Variants in PCDHGA7 observed in about 807,000 individuals in gnomAD.
PCDHGA7 encodes the protein protocadherin gamma subfamily A, 7.
PCDHGA7 carries 44 observed loss-of-function variants against 58.3 expected under a neutral mutation model. The observed-to-expected ratio is 0.75, with a 90% CI of 0.59 to 0.97. The LOEUF is 0.97. Among genes scored for constraint, PCDHGA7 ranks in the 50% least tolerant of loss-of-function variants. The pLI, the probability that PCDHGA7 is intolerant of heterozygous loss-of-function variation, is 0.00. For synonymous variants in PCDHGA7, 516 were observed against 504.2 expected (o/e 1.02, Z -0.31); for missense variants, 1,266 against 1,188.7 (o/e 1.06, Z -0.96).
At chr5:141,393,370 A>G (rs2092740114) in intron 1 of PCDHGA7, 5 of 1,613,954 alleles carry the variant, frequency 3.1e-6, no homozygotes, top group Non-Finnish European at 2.5e-6. Context: ...CAGACTGGAG[A>G]CAATGGAGCC....
At chr5:141,390,466 G>C (rs753916175) in intron 1 of PCDHGA7, 7 of 711,916 alleles carry the variant, frequency 9.8e-6, no homozygotes, top group Admixed American at 3.0e-5. Context: ...AGGAGCAATT[G>C]TGTGGCCCAA....
At chr5:141,466,898 A>G (rs1029507733) in intron 1 of PCDHGA7, among the ~76,000 whole-genome samples, 1 of 152,170 alleles carries the variant, frequency 6.6e-6, no homozygotes, top group African/African-American at 2.4e-5. Context: ...TTTTCCATGA[A>G]GTTTTTGAAA....
At chr5:141,461,924 A>C (rs930104571) in intron 1 of PCDHGA7, among the ~76,000 whole-genome samples, 1 of 152,100 alleles carries the variant, frequency 6.6e-6, no homozygotes, top group East Asian at 1.9e-4. Context: ...CCTGGGTTCC[A>C]GCAATTCTCC....
At position 141,511,235 on chromosome 5, in the gene PCDHGA7, C is replaced by G; in HGVS notation, c.*62C>G. On this transcript the variant is annotated 3_prime_UTR_variant, in exon 4 of 4. Transcript: ENST00000518325. ...CCCCAACCAGCCCAGCTTCTCCTTA[C>G]CTGCACCCAGGCCTCAGAGTTTCAG... 2 of 1,592,936 alleles carry G rather than the reference C, an allele frequency of 1.3e-6. No homozygotes were observed. The highest frequency in any genetic ancestry group is 1.7e-6 in the Non-Finnish European group (2 of 1,169,652).
chr5:141,468,815 A>G (rs866523229), intron 1 of PCDHGA7, among the ~76,000 whole-genome samples: 7 of 151,958 alleles, frequency 4.6e-5, no homozygotes, highest in Middle Eastern at 3.4e-3. Context: ...GCAGTGAGCC[A>G]AGATCAAGCC....
rs1303712746 is a variant in PCDHGA7 at position 141,512,800 on chromosome 5, C to G, written c.*1627C>G. The G allele has an allele frequency of 1.3e-5, 2 of 152,238 alleles. No homozygotes were observed. Among genetic ancestry groups the G allele is most frequent in the African/African-American group, 4.8e-5 (2 of 41,434 alleles). The allele number at this position is 152,238 out of a possible 1,614,324, so 9.4% of individuals were successfully genotyped here. A position where few individuals can be genotyped will look rare whatever the true frequency, so the allele number is the denominator to read the frequency against. On this transcript the variant is annotated 3_prime_UTR_variant, in exon 4 of 4. Coordinates refer to ENST00000518325, the MANE Select transcript of PCDHGA7 (RefSeq NM_018920.4). Reference sequence around the variant, plus strand: ...GCCCGTGTTGTGTTTTGTGCTGTGTCCACGCGCTAAGGCGACCCCCTCCCC... The same window carrying G: ...GCCCGTGTTGTGTTTTGTGCTGTGTGCACGCGCTAAGGCGACCCCCTCCCC...
At chr5:141,434,683 T>A (rs1057301534) in intron 1 of PCDHGA7, among the ~76,000 whole-genome samples, 8 of 152,248 alleles carry the variant, frequency 5.3e-5, no homozygotes, top group Non-Finnish European at 5.9e-5. Flanking sequence ...AATGACTGGC[T>A]TGCTGTTAAT....
chr5:141,387,764 AT>A, intron 1 of PCDHGA7: 1 of 1,430,464 alleles, frequency 7.0e-7, no homozygotes, highest in East Asian at 2.5e-5. Context: ...AAAAAGAAGA[AT>A]TTTTTCTTGA....
Position 141,423,257 on chromosome 5 carries a change from G to T in PCDHGA7, c.2424+37934G>T, listed in dbSNP as rs1412429501. ...ATCCCCGAAGTCCTGGCGGACCTCG[G>T]CAGCCTCGAGTCTCTGGCTAACTCT... On this transcript the variant is annotated intron_variant, in intron 1 of 3. Transcript: ENST00000518325. The T allele has an allele frequency of 8.7e-6, 14 of 1,613,946 alleles. No individual in the cohort carries two copies. The highest frequency in any genetic ancestry group is 1.3e-5 in the African/African-American group (1 of 75,060).
At chr5:141,425,413 T>G (rs2096873899) in intron 1 of PCDHGA7, among the ~76,000 whole-genome samples, 1 of 152,202 alleles carries the variant, frequency 6.6e-6, no homozygotes, top group African/African-American at 2.4e-5. Context: ...AGGTATAACA[T>G]ATAGTCCCAT....
At chr5:141,389,141 C>T (rs919430175) in intron 1 of PCDHGA7, 1 of 1,613,996 alleles carries the variant, frequency 6.2e-7, no homozygotes, top group Non-Finnish European at 8.5e-7. Flanking sequence ...ACAATATAAC[C>T]GTTACGGCAA....
chr5:141,383,961 C>T lies in PCDHGA7; in HGVS notation c.1062C>T (p.Ser354=), dbSNP rs768963435. The part of the protein sequence containing the change: ...APEVTMTSLS[S]SIPEDTPLGT... ...AAGTGACTATGACGTCTTTAAGTAG[C>T]TCAATCCCTGAAGACACACCTCTTG... is the stretch of plus-strand genomic sequence containing the variant. The change falls in exon 1 of 4, where the codon AGC becomes AGT. Residue 354 remains serine (S), a synonymous_variant. Coordinates refer to ENST00000518325, the MANE Select transcript of PCDHGA7 (RefSeq NM_018920.4). The T allele has an allele frequency of 1.9e-5, 31 of 1,613,238 alleles. No individual in the cohort carries two copies. Among genetic ancestry groups the T allele is most frequent in the Non-Finnish European group, 2.6e-5 (31 of 1,179,362 alleles).
chr5:141,457,301 CCAAA>C (rs1163780799), intron 1 of PCDHGA7, among the ~76,000 whole-genome samples: 1 of 152,090 alleles, frequency 6.6e-6, no homozygotes, highest in Non-Finnish European at 1.5e-5. Context: ...TTTTATTTTC[CCAAA>C]CAAAGAAACC....
At chr5:141,395,264 A>G in intron 1 of PCDHGA7, 1 of 1,549,832 alleles carries the variant, frequency 6.5e-7, no homozygotes, top group Non-Finnish European at 8.7e-7. Flanking sequence ...GCTTGCTTTT[A>G]ATTTCCAGAT....
At chr5:141,414,899 G>C (rs756810046) in intron 1 of PCDHGA7, 4 of 1,614,182 alleles carry the variant, frequency 2.5e-6, no homozygotes, top group Non-Finnish European at 3.4e-6. Context: ...CCCACAGACG[G>C]TTCCACAGGC....
intron 1 of PCDHGA7, among the ~76,000 whole-genome samples, chr5:141,467,960 C>T (rs1303642319): frequency 6.6e-6 from 1 of 151,998 alleles, no homozygotes; most frequent in Non-Finnish European, 1.5e-5. Flanking sequence ...CACCCGGCTG[C>T]CAGAAAATTT....
At position 141,399,297 on chromosome 5, in the gene PCDHGA7, T is replaced by G. The variant is rs370898446; in HGVS notation, c.2424+13974T>G. On this transcript the variant is annotated intron_variant, in intron 1 of 3. Transcript: ENST00000518325. The stretch of plus-strand genomic sequence containing the variant: ...TACAAGGCGAAGTCCCTTTTAAGAT[T>G]ATCTCTTCATCCAAAAATTCGTATA... 14 of 1,613,948 alleles carry G rather than the reference T, an allele frequency of 8.7e-6. No individual in the cohort carries two copies. The East Asian group carries it at 2.9e-4, about 33-fold the overall frequency.
At chr5:141,427,153 T>C (rs2096993361) in intron 1 of PCDHGA7, 1 of 456,886 alleles carries the variant, frequency 2.2e-6, no homozygotes, top group Non-Finnish European at 4.4e-6. Context: ...GGAAATATGT[T>C]TGTGCTAGAC....
At position 141,476,873 on chromosome 5, in the gene PCDHGA7, G is replaced by C; in HGVS notation, c.2425-17934G>C. On this transcript the variant is annotated intron_variant, in intron 1 of 3. Coordinates refer to ENST00000518325, the MANE Select transcript of PCDHGA7 (RefSeq NM_018920.4). This position sits in a 1 kb window ranked among gnomAD's most constrained non-coding sequence, Gnocchi z 7.6. ...CAACCAGTCCTTGTACCGGGCGCGC[G>C]TCCTGGAGGATGCACCCTCCGGCAC... 1 of 1,613,936 alleles carries C rather than the reference G, an allele frequency of 6.2e-7. No homozygotes were observed. Among genetic ancestry groups the C allele is most frequent in the South Asian group, 1.1e-5 (1 of 91,088 alleles).
Sources: allele counts gnomAD v4.1 joint callset (sites outside exome capture counted in the v4.1 genomes callset), GRCh38; gene constraint gnomAD v4.1.1; non-coding constraint Gnocchi (gnomAD v3.1); transcripts MANE v1.5; gene names NCBI Gene and HGNC (gene_info 2026-07-23, HGNC 2026-07-21).